The following PSMD6 variants were observed in gnomAD, a reference collection of about 807,000 sequenced individuals.
The protein encoded by PSMD6 is proteasome 26S subunit, non-ATPase 6.
In PSMD6, 7 loss-of-function variants were observed where a neutral mutation model predicts 44.9. The observed-to-expected ratio is 0.16, with a 90% CI of 0.09 to 0.29. The LOEUF (loss-of-function observed/expected upper bound fraction) is 0.29. PSMD6 is among the 10% of genes least tolerant of loss of function. The pLI is 1.00. For synonymous variants in PSMD6, 184 were observed against 172.7 expected, an observed-to-expected ratio of 1.07 and a Z score of -0.51; for missense variants, 420 against 482.6, an observed-to-expected ratio of 0.87 and a Z score of 1.21.
chr3:64,018,399 C>T (rs1444430999), intron 5 of PSMD6, 200 bp downstream of exon 5: 5 of 461,414 alleles, frequency 1.1e-5, no homozygotes, highest in Admixed American at 3.9e-5. Context: ...TCATTCTTAC[C>T]TCCTGGGCCA....
At chr3:64,020,646 C>G (rs1018247861) in intron 2 of PSMD6, among the ~76,000 whole-genome samples, 1 of 152,088 alleles carries the variant, frequency 6.6e-6, no homozygotes. Flanking sequence ...AGAAAAAAAC[C>G]TCGTTTTAGA....
chr3:64,021,703 C>T (rs558780304), intron 2 of PSMD6, among the ~76,000 whole-genome samples: 43 of 151,530 alleles, frequency 2.8e-4, no homozygotes, highest in African/African-American at 1.0e-3. Flanking sequence ...CTCAACTACT[C>T]GGGAGGCTGA....
chr3:64,011,166 T>TTCAGATAG (rs1157041293), intron 6 of PSMD6: 5 of 431,400 alleles, frequency 1.2e-5, no homozygotes, highest in Non-Finnish European at 2.0e-5. Flanking sequence ...GAAGTTCATA[T>TTCAGATAG]TCAGATAGAT....
intron 1 of PSMD6, chr3:64,022,983 C>T: frequency 2.1e-6 from 3 of 1,422,880 alleles, no homozygotes; most frequent in Non-Finnish European, 2.8e-6. Flanking sequence ...AGTCACGGGG[C>T]CTTTACTCTG....
Position 64,023,266 on chromosome 3 carries a change from G to T in PSMD6, c.145+9C>A, listed in dbSNP as rs565723297. On this transcript the variant is annotated intron_variant, in intron 1 of 7. Coordinates refer to ENST00000295901, the MANE Select transcript of PSMD6 (RefSeq NM_014814.3). ...TAGGCCGCTGACTCGGCGCTCGTGC[G>T]GGCCTCACTGTTATCGCGGACGGCC... The T allele has an allele frequency of 1.9e-6, 3 of 1,554,758 alleles. No individual in the cohort carries two copies. The highest frequency in any genetic ancestry group is 2.4e-5 in the East Asian group (1 of 41,148).
At chr3:64,019,533 G>A (rs1051493173) in intron 2 of PSMD6, 92 bp from the exon 3 acceptor site, 63 of 1,381,302 alleles carry the variant, frequency 4.6e-5, no homozygotes, top group Non-Finnish European at 6.0e-5. Context: ...AAGGTTGAGG[G>A]AAGAGGTAGG....
At chr3:64,013,258 A>C (rs1376155114) in intron 6 of PSMD6, 181 bp downstream of exon 6, 1 of 541,570 alleles carries the variant, frequency 1.8e-6, no homozygotes, top group East Asian at 3.2e-5. Flanking sequence ...AGGGGCAGAC[A>C]TGACATGAGG....
rs1003839471 is a variant in PSMD6, at chr3:64,011,068, A to G, written c.996-113T>C. 4.7e-6 allele frequency: 4 copies of G among 853,578 alleles called. No homozygotes were observed. In the African/African-American group the frequency reaches 5.1e-5, roughly 11 times the overall value. 52.9% of individuals were successfully genotyped at this position (853,578 alleles called of 1,614,324 possible). ...GTAACAAACATTTAGCTTCCCTTCAAGCTTGTTATTGCACATGCAGTAGTT... is the reference window on the plus strand; with the variant it reads ...GTAACAAACATTTAGCTTCCCTTCAGGCTTGTTATTGCACATGCAGTAGTT... On this transcript the variant is annotated intron_variant, in intron 6 of 7. Transcript: ENST00000295901.
At chr3:64,012,049 A>C (rs2075965107) in intron 6 of PSMD6, 2 of 122,942 alleles carry the variant, frequency 1.6e-5, no homozygotes, top group East Asian at 2.6e-4. Flanking sequence ...TTTGGTAGGG[A>C]TCATTTAAAA....
chr3:64,023,849 T>C (rs1171057609), upstream of PSMD6: 1 of 1,463,468 alleles, frequency 6.8e-7, no homozygotes, highest in African/African-American at 1.4e-5. Context: ...ATTAAAATCA[T>C]CTTCATGCTG....
upstream of PSMD6, chr3:64,023,506 C>G: frequency 7.0e-7 from 1 of 1,436,082 alleles, no homozygotes; most frequent in Admixed American, 2.7e-5. Context: ...GCGAATACGC[C>G]CGGCCGCCTG....
intron 5 of PSMD6, chr3:64,014,153 T>C (rs565302006): frequency 1.6e-4 from 24 of 152,294 alleles, no homozygotes; most frequent in African/African-American, 5.3e-4. Flanking sequence ...AATGATAAAC[T>C]AGAAAATTTA....
rs2076089119 is a variant in PSMD6, at chr3:64,018,864, A to G, written c.671T>C (p.Val224Ala). The G allele has an allele frequency of 1.3e-6, 2 of 1,596,042 alleles. No homozygotes were observed. Among genetic ancestry groups the G allele is most frequent in the Non-Finnish European group, 1.7e-6 (2 of 1,163,560 alleles). The change falls in exon 4 of 8, where the codon GTC (valine) becomes GCC (alanine). Residue 224 changes from valine to alanine, a missense_variant. Val to Ala is a moderately conservative substitution (Grantham distance 64). Coordinates refer to ENST00000295901, the MANE Select transcript of PSMD6 (RefSeq NM_014814.3). ...MDYKTFVTYTVYVSMIALERP... is the reference protein window; with the variant it reads ...MDYKTFVTYTAYVSMIALERP... Reference sequence around the variant, plus strand: ...TTCTAAGGCAATCATACTGACATAGACAGTATAAGTCACAAATGTTTTATA... The same window carrying G: ...TTCTAAGGCAATCATACTGACATAGGCAGTATAAGTCACAAATGTTTTATA...
intron 2 of PSMD6, among the ~76,000 whole-genome samples, chr3:64,021,097 G>T (rs74397545): frequency 6.6e-6 from 1 of 151,744 alleles, no homozygotes; most frequent in African/African-American, 2.4e-5. Flanking sequence ...ACTGTTCATT[G>T]TCCCGGCGAT....
chr3:64,018,732 A>T (rs768803237), intron 4 of PSMD6, 25 bp from the exon 5 acceptor site: 1 of 1,498,042 alleles, frequency 6.7e-7, no homozygotes, highest in Non-Finnish European at 9.1e-7. Flanking sequence ...AAACATATAT[A>T]CAAAAAAAAT....
chr3:64,018,733 C>CAA (rs11376250), intron 4 of PSMD6, 26 bp from the exon 5 acceptor site: 97 of 1,510,896 alleles, frequency 6.4e-5, no homozygotes, highest in Middle Eastern at 5.2e-4. Context: ...AACATATATA[C>CAA]AAAAAAAATG....
At chr3:64,012,911 C>G (rs2075983784) in intron 6 of PSMD6, 1 of 152,242 alleles carries the variant, frequency 6.6e-6, no homozygotes. Flanking sequence ...TTCCCTACTA[C>G]TACAATGAAA....
At position 64,022,340 on chromosome 3, in the gene PSMD6, T is replaced by G. The variant is rs771058207; in HGVS notation, c.329A>C (p.Tyr110Ser). The G allele has an allele frequency of 1.9e-6, 3 of 1,614,216 alleles. No homozygotes were observed. The highest frequency in any genetic ancestry group is 1.7e-6 in the Non-Finnish European group (2 of 1,180,042). The change falls in exon 2 of 8, where the codon TAC (tyrosine) becomes TCC (serine). Residue 110 changes from tyrosine to serine, a missense_variant. Around this residue, in one of 4 missense-constraint regions of PSMD6, gnomAD observed 216 missense variants for 227.0 expected, o/e 0.95. Transcript: ENST00000295901. ...CACTTTGTCACCTATCCGGCAGAGG[T>G]ACTCGGCCTTTGCCATCATTGCATC... ...IRDAMMAKAE[Y>S]LCRIGDKEGA...
upstream of PSMD6, chr3:64,023,536 G>A (rs2076169463): frequency 2.1e-6 from 3 of 1,402,756 alleles, no homozygotes; most frequent in Non-Finnish European, 2.8e-6. Flanking sequence ...TTCCGGTCCC[G>A]TCTCCGCCGG....
Sources: allele counts gnomAD v4.1 joint callset (sites outside exome capture counted in the v4.1 genomes callset), GRCh38; gene constraint gnomAD v4.1.1; regional missense constraint gnomAD v4.1.1; transcripts MANE v1.5; gene names NCBI Gene and HGNC (gene_info 2026-07-23, HGNC 2026-07-21).